Variants in GALNT13 observed in about 807,000 individuals in gnomAD.
GALNT13 encodes polypeptide N-acetylgalactosaminyltransferase 13, also known as UDP-GalNAc:polypeptide N-acetylgalactosaminyltransferase 13.
In GALNT13, 28 loss-of-function variants were observed where a neutral mutation model predicts 64.2. That is an observed-to-expected ratio of 0.44 (90% CI 0.32 to 0.60). GALNT13 has a LOEUF of 0.60. Among genes scored for constraint, GALNT13 ranks in the 20% least tolerant of loss-of-function variants. GALNT13 has a pLI of 0.05. For synonymous variants in GALNT13, 214 were observed against 224.6 expected (o/e 0.95, Z 0.42); for missense variants, 577 against 669.8 (o/e 0.86, Z 1.53).
At chr2:153,850,030 T>G in the GALNT13 span, among the ~76,000 whole-genome samples, 1 of 109,668 alleles carries the variant, frequency 9.1e-6, no homozygotes. Flanking sequence ...AAAAAAAAAA[T>G]TAGCCGGGCA....
At chr2:153,959,298 A>G (rs988498826) in intron 3 of GALNT13, among the ~76,000 whole-genome samples, 4 of 152,134 alleles carry the variant, frequency 2.6e-5, no homozygotes, top group Non-Finnish European at 4.4e-5. Context: ...CCAACAGTGA[A>G]CCCAAGACCA....
At chr2:154,175,576 C>A (rs1366046432) in intron 4 of GALNT13, among the ~76,000 whole-genome samples, 2 of 152,104 alleles carry the variant, frequency 1.3e-5, no homozygotes, top group Non-Finnish European at 2.9e-5. Flanking sequence ...TTTGGGGATT[C>A]TTAACCTTTA....
chr2:154,217,030 T>C (rs1232563523), intron 4 of GALNT13, among the ~76,000 whole-genome samples: 1 of 151,548 alleles, frequency 6.6e-6, no homozygotes, highest in Admixed American at 6.6e-5. Context: ...TGACTTCAAG[T>C]AATCCTTCCG....
the GALNT13 span, among the ~76,000 whole-genome samples, chr2:153,343,405 A>G: frequency 6.6e-6 from 1 of 152,194 alleles, no homozygotes; most frequent in Non-Finnish European, 1.5e-5. Flanking sequence ...TAAAATCAAG[A>G]AGAGTTTTAT....
the GALNT13 span, among the ~76,000 whole-genome samples, chr2:153,333,063 G>T: frequency 9.2e-5 from 14 of 152,272 alleles, no homozygotes; most frequent in African/African-American, 3.1e-4. Flanking sequence ...TCCCTACCCT[G>T]CTCCAGAGCT....
chr2:153,776,434 C>G, the GALNT13 span, among the ~76,000 whole-genome samples: 1 of 152,168 alleles, frequency 6.6e-6, no homozygotes. Context: ...GTTTAGATTT[C>G]CCTGTTTATC....
chr2:153,620,075 A>G, the GALNT13 span, among the ~76,000 whole-genome samples: 1 of 152,036 alleles, frequency 6.6e-6, no homozygotes, highest in African/African-American at 2.4e-5. Flanking sequence ...TTTAAGGGAA[A>G]TAACTCTTAG....
the GALNT13 span, among the ~76,000 whole-genome samples, chr2:153,643,081 T>C: frequency 6.6e-6 from 1 of 151,306 alleles, no homozygotes; most frequent in Non-Finnish European, 1.5e-5. Context: ...ACTTTTATAG[T>C]AGAAAAATAG....
chr2:153,604,709 G>T, the GALNT13 span, among the ~76,000 whole-genome samples: 1 of 151,802 alleles, frequency 6.6e-6, no homozygotes, highest in Non-Finnish European at 1.5e-5. Context: ...GTATATCATT[G>T]GTATCTTTTA....
chr2:154,151,876 CTT>C (rs1684052438), intron 4 of GALNT13, among the ~76,000 whole-genome samples: 1 of 152,158 alleles, frequency 6.6e-6, no homozygotes, highest in Admixed American at 6.5e-5. Context: ...GGTCTTGACT[CTT>C]TATCCAATTT....
At chr2:153,585,849 G>A in the GALNT13 span, among the ~76,000 whole-genome samples, 2 of 151,770 alleles carry the variant, frequency 1.3e-5, no homozygotes, top group East Asian at 1.9e-4. Context: ...AAATAAAGGA[G>A]AAATATTAAG....
chr2:153,592,419 A>T, the GALNT13 span, among the ~76,000 whole-genome samples: 1 of 152,232 alleles, frequency 6.6e-6, no homozygotes, highest in Non-Finnish European at 1.5e-5. Context: ...ACAGTAGGAA[A>T]GATATGAAAT....
chr2:153,521,787 A>G, the GALNT13 span, among the ~76,000 whole-genome samples: 1 of 152,068 alleles, frequency 6.6e-6, no homozygotes, highest in Non-Finnish European at 1.5e-5. Flanking sequence ...TTGGAATTAT[A>G]TAGTATGTAG....
At chr2:153,975,013 C>T (rs762866517) in intron 3 of GALNT13, among the ~76,000 whole-genome samples, 2 of 151,888 alleles carry the variant, frequency 1.3e-5, no homozygotes, top group Admixed American at 1.3e-4. Flanking sequence ...TATTTTATAC[C>T]CATTCCTTTA....
the GALNT13 span, among the ~76,000 whole-genome samples, chr2:153,709,440 TA>T: frequency 6.6e-6 from 1 of 152,038 alleles, no homozygotes; most frequent in Non-Finnish European, 1.5e-5. Context: ...AACCACAAGA[TA>T]TCACCTCACA....
At chr2:153,820,916 T>C in the GALNT13 span, among the ~76,000 whole-genome samples, 1 of 151,924 alleles carries the variant, frequency 6.6e-6, no homozygotes, top group Non-Finnish European at 1.5e-5. Context: ...ATGCACAAAG[T>C]AGTAGTCAGA....
chr2:154,234,193 T>A (rs965233023), intron 4 of GALNT13, among the ~76,000 whole-genome samples: 2 of 152,130 alleles, frequency 1.3e-5, no homozygotes, highest in African/African-American at 4.8e-5. Context: ...TACAAGATAT[T>A]AGAACTGTGT....
At chr2:153,780,214 G>A in the GALNT13 span, among the ~76,000 whole-genome samples, 1 of 128,034 alleles carries the variant, frequency 7.8e-6, no homozygotes, top group African/African-American at 3.2e-5. Flanking sequence ...AGAATTTGAA[G>A]ATATATATAT....
At chr2:154,368,649 T>C (rs1315454808) in intron 9 of GALNT13, among the ~76,000 whole-genome samples, 2 of 152,138 alleles carry the variant, frequency 1.3e-5, no homozygotes, top group African/African-American at 2.4e-5. Flanking sequence ...GACTTGTTAT[T>C]GGATGGTGCA....
Sources: gnomAD v4.1 joint callset for allele counts (sites outside exome capture counted in the v4.1 genomes callset) on GRCh38, gnomAD v4.1.1 for gene constraint, MANE v1.5 for transcripts, NCBI Gene and HGNC (gene_info 2026-07-23, HGNC 2026-07-21) for gene names.